UBASH3B: variants seen among roughly 807,000 people sequenced by gnomAD.
UBASH3B encodes the protein ubiquitin-associated and SH3 domain-containing protein B.
In UBASH3B, 37 loss-of-function variants were observed where a neutral mutation model predicts 83.4. That is an observed-to-expected ratio of 0.44 (90% confidence interval 0.34 to 0.58). UBASH3B has a LOEUF of 0.58. Ranked by LOEUF, UBASH3B falls within the 20% of genes least tolerant of loss-of-function variation. The probability of loss-of-function intolerance (pLI) is 0.01; values close to 1 mark genes in which losing one functional copy is unlikely to be tolerated. For missense variants in UBASH3B, 657 were observed against 827.2 expected (o/e 0.79, Z 2.52); for synonymous variants, 304 against 318.3 (o/e 0.96, Z 0.48).
intron 1 of UBASH3B, among the ~76,000 whole-genome samples, chr11:122,708,377 C>T (rs1197356128): frequency 2.0e-5 from 3 of 151,258 alleles, no homozygotes; most frequent in African/African-American, 4.8e-5. Flanking sequence ...CTGCAACCTC[C>T]GCCTCCCAGG....
chr11:122,754,655 G>C (rs1444628485), intron 1 of UBASH3B, among the ~76,000 whole-genome samples: 2 of 152,112 alleles, frequency 1.3e-5, no homozygotes, highest in Non-Finnish European at 2.9e-5. Context: ...CTCCCTGAAG[G>C]CTGTTCTTCA....
At chr11:122,772,205 C>T (rs1031801781) in intron 1 of UBASH3B, among the ~76,000 whole-genome samples, 9 of 152,184 alleles carry the variant, frequency 5.9e-5, no homozygotes, top group South Asian at 2.1e-4. Flanking sequence ...CTCCCCACTA[C>T]GGAGGTGGGC....
At chr11:122,737,735 T>G (rs1276493426) in intron 1 of UBASH3B, among the ~76,000 whole-genome samples, 1 of 151,844 alleles carries the variant, frequency 6.6e-6, no homozygotes, top group African/African-American at 2.4e-5. Flanking sequence ...TTTGAACACA[T>G]GAGGTTTAGT....
At chr11:122,721,502 A>C (rs960700663) in intron 1 of UBASH3B, among the ~76,000 whole-genome samples, 12 of 152,166 alleles carry the variant, frequency 7.9e-5, no homozygotes, top group African/African-American at 2.4e-4. Context: ...GCTTAAGGAT[A>C]TTTGTCAGAG....
rs188272584 is a variant in UBASH3B at position 122,813,705 on chromosome 11, G to A, written c.*3819G>A. 3.9e-5 allele frequency: 6 copies of A among 152,266 alleles called. No individual in the cohort carries two copies. Among genetic ancestry groups the A allele is most frequent in the Non-Finnish European group, 8.8e-5 (6 of 68,004 alleles). The allele number at this position is 152,266 out of a possible 1,614,324, so 9.4% of individuals were successfully genotyped here. A position where few individuals can be genotyped will look rare whatever the true frequency, so the allele number is the denominator to read the frequency against. The stretch of plus-strand genomic sequence containing the variant: ...TAAAGAGCGATTTAACATCTATTTA[G>A]GTTAATGTTCACTTTACAAAGGTGA... On this transcript the variant is annotated 3_prime_UTR_variant, in exon 14 of 14. Transcript: ENST00000284273.
intron 1 of UBASH3B, among the ~76,000 whole-genome samples, chr11:122,734,502 G>T (rs538785788): frequency 6.6e-6 from 1 of 152,102 alleles, no homozygotes; most frequent in Non-Finnish European, 1.5e-5. Context: ...GGTGGGAACT[G>T]GCTGTCCAGA....
intron 1 of UBASH3B, among the ~76,000 whole-genome samples, chr11:122,707,503 C>G (rs1017368596): frequency 1.3e-5 from 2 of 152,122 alleles, no homozygotes; most frequent in African/African-American, 4.8e-5. Flanking sequence ...AGCCTTCTTT[C>G]TCACTAAGTT....
intron 1 of UBASH3B, among the ~76,000 whole-genome samples, chr11:122,656,431 C>G (rs1452108866): frequency 1.3e-5 from 2 of 152,048 alleles, no homozygotes; most frequent in Non-Finnish European, 2.9e-5. Flanking sequence ...CAGGGCTCGC[C>G]GTGGGATGCC....
chr11:122,721,819 T>C (rs981565356), intron 1 of UBASH3B, among the ~76,000 whole-genome samples: 3 of 152,226 alleles, frequency 2.0e-5, no homozygotes, highest in Non-Finnish European at 4.4e-5. Context: ...GCAAATCCGT[T>C]AATGCATTTC....
chr11:122,751,335 G>A (rs1216183425), intron 1 of UBASH3B, among the ~76,000 whole-genome samples: 1 of 152,190 alleles, frequency 6.6e-6, no homozygotes, highest in African/African-American at 2.4e-5. Flanking sequence ...GGGAGAATGC[G>A]GTCCACGCCC....
intron 3 of UBASH3B, 56 bp from the exon 4 acceptor site, chr11:122,779,441 A>G (rs1351751582): frequency 3.8e-6 from 6 of 1,592,926 alleles, no homozygotes; most frequent in Non-Finnish European, 5.2e-6. Context: ...GTTAAGTAGC[A>G]GCAGACTTCC....
chr11:122,734,482 A>G (rs1860900082), intron 1 of UBASH3B, among the ~76,000 whole-genome samples: 1 of 152,124 alleles, frequency 6.6e-6, no homozygotes, highest in Non-Finnish European at 1.5e-5. Context: ...GGCTTCCAGT[A>G]TACCACTAGG....
intron 1 of UBASH3B, among the ~76,000 whole-genome samples, chr11:122,733,700 A>G (rs1860883246): frequency 6.6e-6 from 1 of 152,228 alleles, no homozygotes; most frequent in Non-Finnish European, 1.5e-5. Context: ...ACAGATTATT[A>G]TTGTAATGAT....
intron 6 of UBASH3B, among the ~76,000 whole-genome samples, chr11:122,793,683 G>C (rs1262211541): frequency 6.6e-6 from 1 of 152,188 alleles, no homozygotes; most frequent in East Asian, 1.9e-4. Context: ...ATTTAAGCTT[G>C]GCAGGTTTTG....
chr11:122,783,187 A>G lies in UBASH3B; in HGVS notation c.736A>G (p.Ile246Val). ...VKLGCDWVAT[I>V]FSRDIRFANH... Reference sequence around the variant, plus strand: ...GCTAGGGTGTGACTGGGTGGCTACCATATTTTCTCGGGATATCCGATTTGC... The same window carrying G: ...GCTAGGGTGTGACTGGGTGGCTACCGTATTTTCTCGGGATATCCGATTTGC... Residue 246 changes from isoleucine to valine, a missense_variant, in exon 5 of 14, where the codon ATA (isoleucine) becomes GTA (valine). By Grantham distance (29) the Ile-to-Val change is conservative (BLOSUM62 3). This residue lies in a region of UBASH3B where 573 missense variants were observed against 739.0 expected (regional missense o/e 0.78). Coordinates refer to ENST00000284273, the MANE Select transcript of UBASH3B (RefSeq NM_032873.5). 1 of 1,614,032 alleles carries G rather than the reference A, an allele frequency of 6.2e-7. No individual in the cohort carries two copies. Among genetic ancestry groups the G allele is most frequent in the Middle Eastern group, 1.6e-4 (1 of 6,062 alleles).
intron 1 of UBASH3B, among the ~76,000 whole-genome samples, chr11:122,669,135 A>G (rs1472654316): frequency 6.6e-6 from 1 of 152,242 alleles, no homozygotes; most frequent in Non-Finnish European, 1.5e-5. Flanking sequence ...ACAAATTACT[A>G]CAAATTCAGT....
At chr11:122,771,403 G>A (rs960588014) in intron 1 of UBASH3B, among the ~76,000 whole-genome samples, 10 of 151,958 alleles carry the variant, frequency 6.6e-5, no homozygotes, top group Non-Finnish European at 8.8e-5. Flanking sequence ...ACCACGCCCG[G>A]CTAATTTTTG....
At chr11:122,799,124 T>A in intron 10 of UBASH3B, 90 bp downstream of exon 10, 1 of 1,087,618 alleles carries the variant, frequency 9.2e-7, no homozygotes, top group Non-Finnish European at 1.4e-6. Context: ...CATGGGACAT[T>A]TGCCAGTTGA....
chr11:122,670,611 T>C (rs1863581719), intron 1 of UBASH3B, among the ~76,000 whole-genome samples: 1 of 152,092 alleles, frequency 6.6e-6, no homozygotes, highest in South Asian at 2.1e-4. Flanking sequence ...CGATAAATGG[T>C]AGGCATGGTG....
Sources: allele counts gnomAD v4.1 joint callset (sites outside exome capture counted in the v4.1 genomes callset), GRCh38; gene constraint gnomAD v4.1.1; regional missense constraint gnomAD v4.1.1; transcripts MANE v1.5; gene names NCBI Gene and HGNC (gene_info 2026-07-23, HGNC 2026-07-21).